TANGO2: variants seen among roughly 807,000 people sequenced by gnomAD.
The protein encoded by TANGO2 is transport and Golgi organization protein 2 homolog.
A neutral mutation model predicts 39.1 loss-of-function variants in TANGO2; 26 were observed. The observed-to-expected ratio is 0.67, with a 90% CI of 0.49 to 0.92. The LOEUF (loss-of-function observed/expected upper bound fraction) is 0.92. Among genes scored for constraint, TANGO2 ranks in the 40% least tolerant of loss-of-function variants. The pLI, the probability that TANGO2 is intolerant of heterozygous loss-of-function variation, is 0.00. For synonymous variants in TANGO2, 131 were observed against 144.5 expected (o/e 0.91, Z 0.67); for missense variants, 326 against 360.1 (o/e 0.91, Z 0.77).
rs988758713 is a variant in TANGO2 at position 20,034,569 on chromosome 22, C to T, written c.-39-2191C>T. 7.9e-5 allele frequency among the ~76,000 whole-genome samples: 12 copies of T among 152,156 alleles called. No individual in the cohort carries two copies. In the South Asian group the frequency reaches 8.3e-4, roughly 11 times the overall value. ...CTTGTACCCCCAGTGTGGACCTGGA[C>T]GGCTGGCTGTGCCACAGCTTCTCAG... On this transcript the variant is annotated intron_variant, in intron 1 of 8. Transcript: ENST00000327374.
chr22:20,037,779 C>T (rs1569265009), intron 2 of TANGO2, among the ~76,000 whole-genome samples: 1 of 152,144 alleles, frequency 6.6e-6, no homozygotes, highest in Non-Finnish European at 1.5e-5. Context: ...GTTGGGCTGG[C>T]TAGTGAGTGA....
chr22:20,032,633 G>C (rs2042083830), intron 1 of TANGO2, among the ~76,000 whole-genome samples: 1 of 152,266 alleles, frequency 6.6e-6, no homozygotes, highest in South Asian at 2.1e-4. Context: ...TGAGCCCAGG[G>C]CAGGGGTGGG....
chr22:20,036,952 GGCCAGGAC>G, intron 2 of TANGO2, 98 bp downstream of exon 2: 1 of 1,612,976 alleles, frequency 6.2e-7, no homozygotes, highest in Non-Finnish European at 8.5e-7. Context: ...AAGGTGTGTG[GGCCAGGAC>G]GGGGCTGCAC....
chr22:20,037,962 G>A lies in TANGO2; in HGVS notation c.56+1108G>A, dbSNP rs567648749. Among the ~76,000 whole-genome samples, 16 of 152,276 alleles carry A rather than the reference G, an allele frequency of 1.1e-4. No individual in the cohort carries two copies. The East Asian group carries it at 2.5e-3, about 24-fold the overall frequency. On this transcript the variant is annotated intron_variant, in intron 2 of 8. Transcript: ENST00000327374. ...AAATTAGCTGGGCATGGGGGTGGGC[G>A]CCTGTAGTCCCAGCCACTTGGGAGG...
intron 1 of TANGO2, among the ~76,000 whole-genome samples, chr22:20,030,150 C>CTTTTT (rs66601369): frequency 1.6e-5 from 2 of 123,878 alleles, no homozygotes; most frequent in African/African-American, 6.2e-5. Flanking sequence ...TAAGCAGTTG[C>CTTTTT]TTTTTTTTTT....
chr22:20,060,067 C>T (rs1483559188), intron 6 of TANGO2, among the ~76,000 whole-genome samples: 1 of 151,966 alleles, frequency 6.6e-6, no homozygotes, highest in Non-Finnish European at 1.5e-5. Context: ...GAGATCCTCC[C>T]AGCCGGGCGC....
At chr22:20,024,206 A>G (rs1045763185) in intron 1 of TANGO2, among the ~76,000 whole-genome samples, 1 of 152,242 alleles carries the variant, frequency 6.6e-6, no homozygotes. Flanking sequence ...CGACAAGAGC[A>G]AAACTCCATC....
intron 5 of TANGO2, chr22:20,053,974 T>C (rs2046891500): frequency 5.8e-6 from 2 of 343,138 alleles, no homozygotes; most frequent in East Asian, 8.2e-5. Flanking sequence ...GTTTTGCCCT[T>C]CCGTGAAGTG....
chr22:20,020,996 C>T (rs975083821), upstream of TANGO2: 1 of 151,902 alleles, frequency 6.6e-6, no homozygotes, highest in African/African-American at 2.4e-5. Flanking sequence ...GCCAACGGGA[C>T]GCCGGCATGC....
chr22:20,020,367 C>T (rs2146586070), upstream of TANGO2, among the ~76,000 whole-genome samples: 1 of 152,308 alleles, frequency 6.6e-6, no homozygotes, highest in South Asian at 2.1e-4. Flanking sequence ...CCAGAGGCTA[C>T]AGGAGCAGCG....
In TANGO2 at chr22:20,064,942, C is replaced by T. The variant is rs2147869934; in HGVS notation, c.*280C>T. ...GGATACACCTGAGCCCACTCTTGCA[C>T]ATGTACACAGGCACTCACATGGCAC... On this transcript the variant is annotated 3_prime_UTR_variant, in exon 9 of 9. Coordinates refer to ENST00000327374, the MANE Select transcript of TANGO2 (RefSeq NM_152906.7). The T allele has an allele frequency of 4.8e-6, 2 of 417,928 alleles. No homozygotes were observed. 25.9% of individuals were successfully genotyped at this position (417,928 alleles called of 1,614,324 possible).
At chr22:20,036,656 A>C in intron 1 of TANGO2, 104 bp from the exon 2 acceptor site, 2 of 980,038 alleles carry the variant, frequency 2.0e-6, no homozygotes, top group African/African-American at 3.2e-5. Flanking sequence ...CAAGTAGTAC[A>C]GACACCACAG....
intron 3 of TANGO2, among the ~76,000 whole-genome samples, chr22:20,049,333 C>T (rs1008236148): frequency 7.2e-5 from 11 of 152,142 alleles, no homozygotes; most frequent in Admixed American, 5.2e-4. Flanking sequence ...ATGCCAACAC[C>T]ATGCAGTCTA....
intron 5 of TANGO2, chr22:20,053,786 A>G (rs772886295): frequency 1.8e-6 from 1 of 559,850 alleles, no homozygotes; most frequent in South Asian, 1.5e-5. Flanking sequence ...GGATCCCTGG[A>G]GAAAGCTGAG....
intron 2 of TANGO2, among the ~76,000 whole-genome samples, chr22:20,037,309 C>T (rs927611040): frequency 7.2e-5 from 11 of 152,202 alleles, no homozygotes; most frequent in Middle Eastern, 3.4e-3. Context: ...AGAGGGGACG[C>T]TGAGGACCAG....
intron 1 of TANGO2, among the ~76,000 whole-genome samples, chr22:20,035,355 T>TG (rs1441619422): frequency 6.6e-6 from 1 of 152,258 alleles, no homozygotes; most frequent in Non-Finnish European, 1.5e-5. Flanking sequence ...GGAATCTTTT[T>TG]GGGTCTCTTC....
At chr22:20,038,279 G>A (rs2043232739) in intron 2 of TANGO2, among the ~76,000 whole-genome samples, 1 of 152,132 alleles carries the variant, frequency 6.6e-6, no homozygotes, top group South Asian at 2.1e-4. Context: ...CCAATGCTGC[G>A]AGACAATAGT....
chr22:20,044,512 C>T (rs937400457), intron 3 of TANGO2, among the ~76,000 whole-genome samples: 21 of 151,746 alleles, frequency 1.4e-4, no homozygotes, highest in African/African-American at 4.6e-4. Flanking sequence ...GGTGACAGAG[C>T]GAGACCCTGT....
intron 8 of TANGO2, 58 bp from the exon 9 acceptor site, chr22:20,064,484 G>A (rs1482427730): frequency 2.2e-5 from 35 of 1,606,186 alleles, no homozygotes; most frequent in Non-Finnish European, 2.9e-5. Context: ...TTGTGGCTGT[G>A]ACAGGCAGGG....
Sources: gnomAD v4.1 joint callset for allele counts (sites outside exome capture counted in the v4.1 genomes callset) on GRCh38, gnomAD v4.1.1 for gene constraint, MANE v1.5 for transcripts, NCBI Gene and HGNC (gene_info 2026-07-23, HGNC 2026-07-21) for gene names.